The following RNGTT variants were observed in gnomAD, a reference collection of about 807,000 sequenced individuals.
RNGTT encodes mRNA-capping enzyme.
In RNGTT, 33 loss-of-function variants were observed where a neutral mutation model predicts 79.3. That is an observed-to-expected ratio of 0.42 (90% CI 0.32 to 0.56). The LOEUF is 0.56. Ranked by LOEUF, RNGTT falls within the 20% of genes least tolerant of loss-of-function variation. RNGTT has a pLI of 0.17. For synonymous variants in RNGTT, 222 were observed against 235.9 expected, an observed-to-expected ratio of 0.94 and a Z score of 0.54; for missense variants, 497 against 739.1, an observed-to-expected ratio of 0.67 and a Z score of 3.80.
chr6:88,937,008 A>G (rs1167003601), intron 2 of RNGTT, among the ~76,000 whole-genome samples: 1 of 152,050 alleles, frequency 6.6e-6, no homozygotes, highest in Non-Finnish European at 1.5e-5. Context: ...GAACTTATCC[A>G]CCTCTGCCAG....
At chr6:88,744,424 G>A (rs971733124) in intron 13 of RNGTT, among the ~76,000 whole-genome samples, 1 of 151,976 alleles carries the variant, frequency 6.6e-6, no homozygotes, top group Admixed American at 6.6e-5. Context: ...AGCACGCCCG[G>A]CTAATTTTTG....
intron 1 of RNGTT, among the ~76,000 whole-genome samples, chr6:88,953,038 T>C (rs1376368849): frequency 6.6e-6 from 1 of 152,194 alleles, no homozygotes; most frequent in African/African-American, 2.4e-5. Context: ...AGAAAAGTGA[T>C]TCTGGTAATA....
At chr6:88,633,087 A>G (rs1419691023) in intron 14 of RNGTT, among the ~76,000 whole-genome samples, 3 of 152,172 alleles carry the variant, frequency 2.0e-5, no homozygotes, top group African/African-American at 7.2e-5. Context: ...TACAGAACTG[A>G]GTCTGTTTTG....
intron 12 of RNGTT, among the ~76,000 whole-genome samples, chr6:88,782,904 C>T (rs142275849): frequency 6.6e-6 from 1 of 152,168 alleles, no homozygotes; most frequent in East Asian, 1.9e-4. Context: ...CAAGTGTTGT[C>T]AAGGATATGG....
chr6:88,752,904 TA>T (rs1045647320), intron 13 of RNGTT, among the ~76,000 whole-genome samples: 2 of 152,018 alleles, frequency 1.3e-5, no homozygotes, highest in African/African-American at 4.8e-5. Flanking sequence ...TTTTAAAAAA[TA>T]AAAAAAGATT....
chr6:88,776,011 C>A (rs969973233), intron 12 of RNGTT, among the ~76,000 whole-genome samples: 1 of 152,138 alleles, frequency 6.6e-6, no homozygotes, highest in Non-Finnish European at 1.5e-5. Context: ...TGGGGGCATA[C>A]ATTTCTCTAT....
chr6:88,846,278 C>T (rs971035279), intron 10 of RNGTT, among the ~76,000 whole-genome samples: 8 of 152,220 alleles, frequency 5.3e-5, no homozygotes, highest in African/African-American at 1.9e-4. Context: ...CATGCTGCCA[C>T]TAGTTATCTT....
chr6:88,853,504 C>CAAAAAA, intron 9 of RNGTT, 125 bp downstream of exon 9: 2 of 437,766 alleles, frequency 4.6e-6, no homozygotes, highest in Non-Finnish European at 7.2e-6. Context: ...GACTCCGTCT[C>CAAAAAA]AAAAAAAAAA....
At chr6:88,759,263 T>C (rs987472066) in intron 13 of RNGTT, among the ~76,000 whole-genome samples, 1 of 152,188 alleles carries the variant, frequency 6.6e-6, no homozygotes, top group African/African-American at 2.4e-5. Context: ...ATACATTGTT[T>C]TTGTTGGGTT....
intron 8 of RNGTT, among the ~76,000 whole-genome samples, chr6:88,888,997 C>T (rs1782956950): frequency 6.6e-6 from 1 of 152,162 alleles, no homozygotes; most frequent in African/African-American, 2.4e-5. Context: ...CATTGCACTT[C>T]AGCCTGGACA....
rs566995660 is a variant in RNGTT, at chr6:88,843,398, T to G, written c.1269+959A>C. On this transcript the variant is annotated intron_variant, in intron 11 of 15. Transcript: ENST00000369485. ...CCATCAATTACAACATAATGTATAG[T>G]ACACCTTTACTATCATTACCATGCA... is the stretch of plus-strand genomic sequence containing the variant. Among the ~76,000 whole-genome samples, 97 of 152,154 alleles carry G rather than the reference T, an allele frequency of 6.4e-4. 1 individual carries two copies. Among genetic ancestry groups the G allele is most frequent in the Middle Eastern group, 3.4e-3 (1 of 292 alleles).
chr6:88,935,498 G>A (rs1784637653), intron 2 of RNGTT, among the ~76,000 whole-genome samples: 1 of 152,126 alleles, frequency 6.6e-6, no homozygotes, highest in African/African-American at 2.4e-5. Context: ...AGAACTGCTT[G>A]AGCTCAGGAG....
Position 88,612,813 on chromosome 6 carries a change from G to A in RNGTT, c.1700C>T (p.Ala567Val). The A allele has an allele frequency of 6.2e-7, 1 of 1,613,642 alleles. No individual in the cohort carries two copies. The highest frequency in any genetic ancestry group is 8.5e-7 in the Non-Finnish European group (1 of 1,179,858). ...MLFEFIDRCT[A>V]ASQGQKRKHH... ...TTTTCGCTTCTGTCCTTGAGAAGCT[G>A]CAGTACATCTGTCGATGAACTCAAA... Residue 567 changes from alanine (A) to valine (V), a missense_variant, in exon 16 of 16, where the codon GCA (alanine) becomes GTA (valine). Transcript: ENST00000369485.
At position 88,610,019 on chromosome 6, in the gene RNGTT, A is replaced by G. The variant is rs1771965426; in HGVS notation, c.*2700T>C. Among the ~76,000 whole-genome samples, 1 of 152,230 alleles carries G rather than the reference A, an allele frequency of 6.6e-6. No individual in the cohort carries two copies. The highest frequency in any genetic ancestry group is 1.5e-5 in the Non-Finnish European group (1 of 68,034). ...AAGATTAGATGAAGAGAAATAATAT[A>G]AACATCATATAAAGATGTGCTTTCT... On this transcript the variant is annotated 3_prime_UTR_variant, in exon 16 of 16. Transcript: ENST00000369485.
intron 14 of RNGTT, among the ~76,000 whole-genome samples, chr6:88,620,379 T>A (rs1014510619): frequency 4.6e-5 from 7 of 152,154 alleles, no homozygotes; most frequent in Non-Finnish European, 1.0e-4. Flanking sequence ...TCAGAGTTAG[T>A]CATAGCTATT....
At chr6:88,754,968 T>C (rs1777960255) in intron 13 of RNGTT, among the ~76,000 whole-genome samples, 1 of 152,222 alleles carries the variant, frequency 6.6e-6, no homozygotes, top group Non-Finnish European at 1.5e-5. Context: ...CTGAAAGTTA[T>C]GAGACCCCTG....
Position 88,772,885 on chromosome 6 carries a change from G to C in RNGTT, c.1339-3011C>G, listed in dbSNP as rs540416015. On this transcript the variant is annotated intron_variant, in intron 12 of 15. Coordinates refer to ENST00000369485, the MANE Select transcript of RNGTT (RefSeq NM_003800.5). ...ACACTGTTGGTGGGACTGTAAACTA[G>C]TTCAACCATTGTGGAAGTCAGTGTG... Among the ~76,000 whole-genome samples, 785 of 152,192 alleles carry C rather than the reference G, an allele frequency of 5.2e-3. 1 individual carries two copies. The highest frequency in any genetic ancestry group is 0.01 in the Middle Eastern group (3 of 294).
Position 88,611,952 on chromosome 6 carries a change from C to T in RNGTT, c.*767G>A, listed in dbSNP as rs762705159. 2 of 152,622 alleles carry T rather than the reference C, an allele frequency of 1.3e-5. No individual in the cohort carries two copies. Among genetic ancestry groups the T allele is most frequent in the Non-Finnish European group, 2.9e-5 (2 of 68,038 alleles). The allele number at this position is 152,622 out of a possible 1,614,324, so 9.5% of individuals were successfully genotyped here. Reference sequence around the variant, plus strand: ...AAAGAAGTCTCCCAGGAGAACAACACATAAAGGACCTGGTGGTGTATGTCC... The same window carrying T: ...AAAGAAGTCTCCCAGGAGAACAACATATAAAGGACCTGGTGGTGTATGTCC... On this transcript the variant is annotated 3_prime_UTR_variant, in exon 16 of 16. Transcript: ENST00000369485.
chr6:88,777,262 T>C (rs1323438919), intron 12 of RNGTT, among the ~76,000 whole-genome samples: 3 of 152,226 alleles, frequency 2.0e-5, no homozygotes, highest in African/African-American at 7.2e-5. Context: ...GTAATATAAC[T>C]TGAAACCAGG....
Sources: gnomAD v4.1 joint callset for allele counts (sites outside exome capture counted in the v4.1 genomes callset) on GRCh38, gnomAD v4.1.1 for gene constraint, MANE v1.5 for transcripts, NCBI Gene and HGNC (gene_info 2026-07-23, HGNC 2026-07-21) for gene names.